PTPRT: variants seen among roughly 807,000 people sequenced by gnomAD.
PTPRT encodes receptor-type tyrosine-protein phosphatase T.
A neutral mutation model predicts 176.8 loss-of-function variants in PTPRT; 56 were observed. The ratio of observed to expected loss-of-function variants is 0.32; its 90% CI spans 0.26 to 0.40. The LOEUF is 0.40. Ranked by LOEUF, PTPRT falls within the 10% of genes least tolerant of loss-of-function variation. The pLI is 1.00. For missense variants in PTPRT, 1,540 were observed against 1,908.2 expected (o/e 0.81, Z 3.60); for synonymous variants, 783 against 739.0 (o/e 1.06, Z -0.96).
intron 6 of PTPRT, chr20:42,687,778 G>C (rs935592171): frequency 6.6e-6 from 1 of 152,158 alleles, no homozygotes; most frequent in African/African-American, 2.4e-5. Flanking sequence ...ATCCAGTTTG[G>C]ATCTTAAGAG....
intron 12 of PTPRT, among the ~76,000 whole-genome samples, chr20:42,299,718 T>C (rs2145303148): frequency 7.1e-6 from 1 of 141,424 alleles, no homozygotes; most frequent in African/African-American, 2.6e-5. Context: ...CGCTATCTCA[T>C]CTCACTGCAG....
intron 7 of PTPRT, among the ~76,000 whole-genome samples, chr20:42,490,725 T>C (rs189966132): frequency 1.2e-3 from 180 of 152,270 alleles, no homozygotes; most frequent in African/African-American, 4.3e-3. Flanking sequence ...ACTCCAGCAT[T>C]ATGTTAAATA....
intron 1 of PTPRT, among the ~76,000 whole-genome samples, chr20:43,009,398 A>G (rs1256803932): frequency 1.3e-5 from 2 of 152,184 alleles, no homozygotes; most frequent in East Asian, 3.9e-4. Context: ...AGGCCTATCA[A>G]TAAACACAGC....
intron 17 of PTPRT, among the ~76,000 whole-genome samples, chr20:42,158,596 T>C (rs1049492752): frequency 2.0e-5 from 3 of 152,188 alleles, no homozygotes; most frequent in Non-Finnish European, 2.9e-5. Context: ...GATCTGTGAC[T>C]CCTATGCTCA....
At chr20:42,813,541 G>C (rs181865482) in intron 2 of PTPRT, among the ~76,000 whole-genome samples, 1 of 150,342 alleles carries the variant, frequency 6.7e-6, no homozygotes, top group African/African-American at 2.4e-5. Context: ...TTACCTTCTT[G>C]TTCTGCCTAG....
chr20:42,944,102 G>T (rs1453695921), intron 1 of PTPRT, among the ~76,000 whole-genome samples: 1 of 152,106 alleles, frequency 6.6e-6, no homozygotes, highest in Non-Finnish European at 1.5e-5. Context: ...GAAAAGCTCT[G>T]TGTCTTTCCA....
intron 7 of PTPRT, among the ~76,000 whole-genome samples, chr20:42,511,365 A>G (rs1230430643): frequency 6.6e-6 from 1 of 152,164 alleles, no homozygotes; most frequent in Non-Finnish European, 1.5e-5. Context: ...AGGCAGTAAC[A>G]GTGGGAAGTC....
At chr20:42,721,046 AC>A (rs762507083) in intron 6 of PTPRT, among the ~76,000 whole-genome samples, 12 of 152,000 alleles carry the variant, frequency 7.9e-5, no homozygotes, top group Non-Finnish European at 1.5e-4. Flanking sequence ...GTGGGACAGA[AC>A]GAAGTGTTAG....
At chr20:42,447,079 T>C (rs1601041052) in intron 9 of PTPRT, among the ~76,000 whole-genome samples, 1 of 152,278 alleles carries the variant, frequency 6.6e-6, no homozygotes, top group South Asian at 2.1e-4. Flanking sequence ...TGAGTACTTT[T>C]CCTTCATCAA....
intron 7 of PTPRT, among the ~76,000 whole-genome samples, chr20:42,473,539 A>T (rs896744927): frequency 1.3e-5 from 2 of 152,164 alleles, no homozygotes; most frequent in Admixed American, 6.5e-5. Context: ...ACAGTGGCAC[A>T]ATCAGAGTTC....
chr20:42,611,719 T>A (rs2073979567), intron 7 of PTPRT, among the ~76,000 whole-genome samples: 1 of 152,104 alleles, frequency 6.6e-6, no homozygotes, highest in South Asian at 2.1e-4. Flanking sequence ...GATGGAACCA[T>A]CCCCTCCTGG....
At chr20:42,957,787 T>C (rs1568700816) in intron 1 of PTPRT, among the ~76,000 whole-genome samples, 1 of 152,214 alleles carries the variant, frequency 6.6e-6, no homozygotes, top group Non-Finnish European at 1.5e-5. Flanking sequence ...ATTAATTTTT[T>C]ATTCATCTCT....
At chr20:43,042,250 C>A (rs2425558) in intron 1 of PTPRT, among the ~76,000 whole-genome samples, 13 of 152,028 alleles carry the variant, frequency 8.6e-5, no homozygotes, top group African/African-American at 3.1e-4. Flanking sequence ...ATTGTTTATT[C>A]AGGGCCAATT....
chr20:42,096,796 C>T (rs538437353), intron 27 of PTPRT, among the ~76,000 whole-genome samples: 3 of 136,724 alleles, frequency 2.2e-5, no homozygotes, highest in Non-Finnish European at 4.6e-5. Context: ...GACAGGGTCT[C>T]ATGGTGTTGC....
intron 27 of PTPRT, among the ~76,000 whole-genome samples, chr20:42,092,970 G>T (rs1984789535): frequency 6.6e-6 from 1 of 152,160 alleles, no homozygotes; most frequent in South Asian, 2.1e-4. Context: ...TGTAAGTTGT[G>T]GACTCTTATT....
chr20:42,412,612 AAC>A (rs776098616), intron 9 of PTPRT, among the ~76,000 whole-genome samples: 2 of 152,246 alleles, frequency 1.3e-5, no homozygotes, highest in Non-Finnish European at 2.9e-5. Context: ...AAATATTCAT[AAC>A]AGTTTTACCT....
At chr20:42,364,817 G>A (rs2145577839) in intron 9 of PTPRT, among the ~76,000 whole-genome samples, 1 of 152,286 alleles carries the variant, frequency 6.6e-6, no homozygotes, top group Admixed American at 6.5e-5. Flanking sequence ...GGAGATGGGA[G>A]CAGGAGGAAA....
chr20:43,110,405 C>T (rs914287649), intron 1 of PTPRT, among the ~76,000 whole-genome samples: 1 of 152,166 alleles, frequency 6.6e-6, no homozygotes, highest in Non-Finnish European at 1.5e-5. Flanking sequence ...GACAAATTAA[C>T]CATATCCAAA....
At chr20:42,975,185 G>GA (rs1982877286) in intron 1 of PTPRT, among the ~76,000 whole-genome samples, 1 of 152,060 alleles carries the variant, frequency 6.6e-6, no homozygotes, top group Admixed American at 6.5e-5. Flanking sequence ...TAATTGAAAT[G>GA]AAAAACTATC....
Sources: gnomAD v4.1 joint callset for allele counts (sites outside exome capture counted in the v4.1 genomes callset) on GRCh38, gnomAD v4.1.1 for gene constraint, MANE v1.5 for transcripts, NCBI Gene and HGNC (gene_info 2026-07-23, HGNC 2026-07-21) for gene names.